The following CYP7B1 variants were observed in gnomAD, a reference collection of about 807,000 sequenced individuals.
CYP7B1 encodes the protein cytochrome P450 7B1.
CYP7B1 carries 29 observed loss-of-function variants against 42.7 expected under a neutral mutation model. The observed-to-expected ratio is 0.68, with a 90% confidence interval of 0.51 to 0.93. The LOEUF (loss-of-function observed/expected upper bound fraction) is 0.93, where lower values mean the gene tolerates loss of function less well. Among genes scored for constraint, CYP7B1 ranks in the 40% least tolerant of loss-of-function variants. The probability of loss-of-function intolerance (pLI) is 0.00; values close to 1 mark genes in which losing one functional copy is unlikely to be tolerated. For missense variants in CYP7B1, 655 were observed against 600.5 expected (o/e 1.09, Z -0.95); for synonymous variants, 235 against 218.2 (o/e 1.08, Z -0.68).
At chr8:64,780,985 T>C (rs1464685690) in intron 1 of CYP7B1, among the ~76,000 whole-genome samples, 9 of 152,172 alleles carry the variant, frequency 5.9e-5, no homozygotes, top group African/African-American at 2.2e-4. Flanking sequence ...AAACGATTTT[T>C]AAAATTCATG....
chr8:64,729,146 C>A (rs890983923), intron 1 of CYP7B1, among the ~76,000 whole-genome samples: 1 of 152,128 alleles, frequency 6.6e-6, no homozygotes, highest in Non-Finnish European at 1.5e-5. Flanking sequence ...GGCAACAGAT[C>A]GATACCCTGT....
chr8:64,706,225 A>C (rs1806997184), intron 1 of CYP7B1, among the ~76,000 whole-genome samples: 1 of 152,068 alleles, frequency 6.6e-6, no homozygotes, highest in Admixed American at 6.6e-5. Flanking sequence ...AATGCAAGGA[A>C]ATTTTAGAGT....
At chr8:64,784,586 T>C (rs1229134128) in intron 1 of CYP7B1, among the ~76,000 whole-genome samples, 2 of 152,062 alleles carry the variant, frequency 1.3e-5, no homozygotes, top group Non-Finnish European at 2.9e-5. Flanking sequence ...TGTATCATGG[T>C]TCAAAAAAAT....
In CYP7B1 at chr8:64,685,773, TG is replaced by T. The variant is rs201010759; in HGVS notation, c.123-61235del. On this transcript the variant is annotated intron_variant, in intron 1 of 5. Coordinates refer to ENST00000310193, the MANE Select transcript of CYP7B1 (RefSeq NM_004820.5). ...GCAGCCACCCCATCCGGGAGGGAGG[TG>T]GGGGGGGGTCAGCCCCCCCGCCCGG... Among the ~76,000 whole-genome samples, 287 of 36,334 alleles carry T rather than the reference TG, an allele frequency of 7.9e-3. 75 individuals carry two copies. The highest frequency in any genetic ancestry group is 0.02 in the African/African-American group (239 of 12,004). The allele number at this position is 36,334 out of a possible 152,430, so 23.8% of individuals were successfully genotyped here.
At position 64,615,857 on chromosome 8, in the gene CYP7B1, G is replaced by A. The variant is rs757172134; in HGVS notation, c.684C>T (p.Ser228=). 4 of 1,613,478 alleles carry A rather than the reference G, an allele frequency of 2.5e-6. No individual in the cohort carries two copies. The highest frequency in any genetic ancestry group is 3.4e-6 in the Non-Finnish European group (4 of 1,179,682). The change falls in exon 3 of 6, where the codon TCC becomes TCT. Residue 228 remains serine (S), a synonymous_variant. Coordinates refer to ENST00000310193, the MANE Select transcript of CYP7B1 (RefSeq NM_004820.5). ...KFDDKFAYLV[S]NIPIELLGNV... is the part of the protein sequence containing the mutation. ...TTCCTAGAAGCTCAATGGGTATGTT[G>A]GATACTAAATATGCAAACTTGTCAT...
At chr8:64,636,001 G>T (rs1338096039) in intron 1 of CYP7B1, among the ~76,000 whole-genome samples, 3 of 152,178 alleles carry the variant, frequency 2.0e-5, no homozygotes, top group African/African-American at 7.2e-5. Context: ...TAATCTGGGA[G>T]GGGTGCTTAG....
chr8:64,683,061 A>G (rs1365373818), intron 1 of CYP7B1, among the ~76,000 whole-genome samples: 1 of 152,188 alleles, frequency 6.6e-6, no homozygotes, highest in Non-Finnish European at 1.5e-5. Context: ...TCCAAATCCA[A>G]GTAGTGTTTC....
chr8:64,765,715 C>T (rs1334068777), intron 1 of CYP7B1, among the ~76,000 whole-genome samples: 3 of 152,108 alleles, frequency 2.0e-5, no homozygotes, highest in Admixed American at 6.6e-5. Flanking sequence ...GACTAATGCT[C>T]GTCAGAAAAT....
chr8:64,622,465 T>C (rs1313460708), intron 2 of CYP7B1, among the ~76,000 whole-genome samples: 1 of 152,078 alleles, frequency 6.6e-6, no homozygotes, highest in Non-Finnish European at 1.5e-5. Context: ...GAACAAGAGA[T>C]CAGCATTGTC....
chr8:64,631,590 CT>C (rs1268007353), intron 1 of CYP7B1, among the ~76,000 whole-genome samples: 1 of 152,068 alleles, frequency 6.6e-6, no homozygotes, highest in African/African-American at 2.4e-5. Flanking sequence ...AATGGAAAAA[CT>C]TCTGCATAGC....
intron 1 of CYP7B1, among the ~76,000 whole-genome samples, chr8:64,673,869 G>A (rs771354981): frequency 6.6e-6 from 1 of 151,990 alleles, no homozygotes; most frequent in African/African-American, 2.4e-5. Context: ...AATAGCCACA[G>A]GTTTAAAGGA....
intron 5 of CYP7B1, among the ~76,000 whole-genome samples, chr8:64,603,121 C>T (rs1013402514): frequency 6.6e-6 from 1 of 152,186 alleles, no homozygotes; most frequent in Non-Finnish European, 1.5e-5. Context: ...AATCAGTATT[C>T]ACAATATTGC....
intron 1 of CYP7B1, among the ~76,000 whole-genome samples, chr8:64,654,682 A>G (rs1326216509): frequency 6.6e-6 from 1 of 152,234 alleles, no homozygotes; most frequent in Non-Finnish European, 1.5e-5. Context: ...TTTTAAATTC[A>G]TATGGAACCA....
At chr8:64,639,921 A>G (rs1038145220) in intron 1 of CYP7B1, among the ~76,000 whole-genome samples, 6 of 152,146 alleles carry the variant, frequency 3.9e-5, no homozygotes, top group African/African-American at 1.4e-4. Context: ...ATGGAATAAT[A>G]TTTAGTTTAT....
chr8:64,689,869 G>T (rs1306616606), intron 1 of CYP7B1, among the ~76,000 whole-genome samples: 1 of 152,038 alleles, frequency 6.6e-6, no homozygotes, highest in African/African-American at 2.4e-5. Flanking sequence ...CGCCCGGCCT[G>T]CTTCTGTTTC....
At chr8:64,588,557 C>T (rs1295390256), downstream of CYP7B1, among the ~76,000 whole-genome samples, 1 of 152,194 alleles carries the variant, frequency 6.6e-6, no homozygotes, top group Admixed American at 6.5e-5. Flanking sequence ...TCATTTTATA[C>T]ATTTATCCTG....
intron 1 of CYP7B1, among the ~76,000 whole-genome samples, chr8:64,736,798 CTCTT>C (rs1807495230): frequency 1.3e-5 from 2 of 152,102 alleles, no homozygotes; most frequent in South Asian, 4.2e-4. Context: ...TTTTCTTGCT[CTCTT>C]TTAGTTACTT....
chr8:64,658,536 C>A (rs1043969862), intron 1 of CYP7B1, among the ~76,000 whole-genome samples: 2 of 152,092 alleles, frequency 1.3e-5, no homozygotes, highest in African/African-American at 4.8e-5. Context: ...ACTCATCACA[C>A]CCTTTTCTAA....
chr8:64,796,650 G>T (rs1804706668), intron 1 of CYP7B1, among the ~76,000 whole-genome samples: 1 of 152,074 alleles, frequency 6.6e-6, no homozygotes, highest in Non-Finnish European at 1.5e-5. Flanking sequence ...TCTATGTTTT[G>T]TGTGTGTGTT....
Sources: allele counts gnomAD v4.1 joint callset (sites outside exome capture counted in the v4.1 genomes callset), GRCh38; gene constraint gnomAD v4.1.1; transcripts MANE v1.5; gene names NCBI Gene and HGNC (gene_info 2026-07-23, HGNC 2026-07-21).